KLHL22: variants seen among roughly 807,000 people sequenced by gnomAD.
KLHL22 encodes the protein kelch-like protein 22.
In KLHL22, 18 loss-of-function variants were observed where a neutral mutation model predicts 60.7. The ratio of observed to expected loss-of-function variants is 0.30; its 90% confidence interval spans 0.20 to 0.44. The LOEUF (loss-of-function observed/expected upper bound fraction) is 0.44. KLHL22 is among the 20% of genes least tolerant of loss of function. KLHL22 has a pLI of 1.00. For missense variants in KLHL22, 596 were observed against 852.3 expected (o/e 0.70, Z 3.74); for synonymous variants, 355 against 354.5 (o/e 1.00, Z -0.01).
At chr22:20,463,946 C>T (rs2053191903) in intron 4 of KLHL22, among the ~76,000 whole-genome samples, 1 of 152,182 alleles carries the variant, frequency 6.6e-6, no homozygotes, top group Admixed American at 6.5e-5. Flanking sequence ...TGAACATGAA[C>T]TCAGTCAGCA....
intron 1 of KLHL22, among the ~76,000 whole-genome samples, 154 bp from the exon 2 acceptor site, chr22:20,489,398 C>G (rs376881753): frequency 6.6e-6 from 1 of 152,190 alleles, no homozygotes; most frequent in Non-Finnish European, 1.5e-5. Flanking sequence ...TCCTTCTCCC[C>G]TCCCACCTCT....
Position 20,442,142 on chromosome 22 carries a change from G to A in KLHL22, c.1836C>T (p.Asp612=), listed in dbSNP as rs368325325. ...TCATCACCTCAGAGGCAAAGTCCGGGTCGGCCTGGCTGCGGTCAGGGGTCC... is the reference window on the plus strand; with the variant it reads ...TCATCACCTCAGAGGCAAAGTCCGGATCGGCCTGGCTGCGGTCAGGGGTCC... The part of the protein sequence containing the change: ...PRGTPDRSQA[D]PDFASEVMSV... Residue 612 remains aspartate (D), a synonymous_variant, in exon 7 of 7, where the codon GAC becomes GAT. Coordinates refer to ENST00000328879, the MANE Select transcript of KLHL22 (RefSeq NM_032775.4). 2.2e-5 allele frequency: 34 copies of A among 1,539,848 alleles called. No homozygotes were observed. Among genetic ancestry groups the A allele is most frequent in the African/African-American group, 5.5e-5 (4 of 72,678 alleles).
intron 2 of KLHL22, among the ~76,000 whole-genome samples, chr22:20,476,935 G>A (rs887749363): frequency 6.8e-6 from 1 of 148,134 alleles, no homozygotes; most frequent in African/African-American, 2.5e-5. Flanking sequence ...TCGAACTCCT[G>A]ACCTGATGTG....
chr22:20,484,007 G>A (rs766288682), intron 2 of KLHL22: 5 of 725,930 alleles, frequency 6.9e-6, no homozygotes, highest in Non-Finnish European at 1.3e-5. Context: ...CATAGACGCT[G>A]GCCACGCTGC....
Position 20,489,029 on chromosome 22 carries a change from G to A in KLHL22, c.183C>T (p.Ile61=), listed in dbSNP as rs759748470. ...DVVLVVEGRH[I]EAHRILLAAS... is the part of the protein sequence containing the mutation. ...CAGCCAGCAGGATGCGATGGGCCTC[G>A]ATGTGTCTGCCCTCCACCACCAGCA... Residue 61 remains isoleucine (I), a synonymous_variant, in exon 2 of 7, where the codon ATC becomes ATT. Coordinates refer to ENST00000328879, the MANE Select transcript of KLHL22 (RefSeq NM_032775.4). The A allele has an allele frequency of 7.2e-5, 116 of 1,614,034 alleles. No homozygotes were observed. The Middle Eastern group carries it at 1.3e-3, about 18-fold the overall frequency.
At chr22:20,487,002 C>A (rs1387689530) in intron 2 of KLHL22, among the ~76,000 whole-genome samples, 2 of 151,966 alleles carry the variant, frequency 1.3e-5, no homozygotes, top group African/African-American at 4.8e-5. Context: ...TCACTGCAAC[C>A]TCCGCCTCCT....
intron 2 of KLHL22, chr22:20,481,073 C>T (rs1354907167): frequency 2.6e-5 from 4 of 151,800 alleles, no homozygotes; most frequent in Non-Finnish European, 4.4e-5. Context: ...CCTCGTGATC[C>T]GCCTGCCTCG....
chr22:20,473,237 A>G (rs536973795), intron 2 of KLHL22, among the ~76,000 whole-genome samples: 3 of 152,262 alleles, frequency 2.0e-5, no homozygotes, highest in African/African-American at 7.2e-5. Flanking sequence ...TGCAGCTAGA[A>G]AGCAGTAGCT....
At chr22:20,451,259 T>C (rs1260660645) in intron 5 of KLHL22, 5 of 1,604,814 alleles carry the variant, frequency 3.1e-6, no homozygotes, top group East Asian at 2.2e-5. Flanking sequence ...GGAGATTTGA[T>C]CTATGTCTCT....
At chr22:20,442,761 C>G (rs1377732489) in intron 6 of KLHL22, among the ~76,000 whole-genome samples, 1 of 152,240 alleles carries the variant, frequency 6.6e-6, no homozygotes, top group Non-Finnish European at 1.5e-5. Flanking sequence ...GAGTGTGTGG[C>G]TGTGCCCCCA....
intron 2 of KLHL22, among the ~76,000 whole-genome samples, chr22:20,473,724 A>C (rs752618237): frequency 2.0e-5 from 3 of 152,060 alleles, no homozygotes; most frequent in Non-Finnish European, 4.4e-5. Context: ...AAAAATACAA[A>C]ATTAGCTGGT....
Position 20,446,578 on chromosome 22 carries a change from T to C in KLHL22, c.1404A>G (p.Pro468=). The C allele has an allele frequency of 6.2e-7, 1 of 1,614,034 alleles. No individual in the cohort carries two copies. The highest frequency in any genetic ancestry group is 8.5e-7 in the Non-Finnish European group (1 of 1,180,030). Residue 468 remains proline, a synonymous_variant, in exon 6 of 7, where the codon CCA becomes CCG. Transcript: ENST00000328879. ...CCAGTGTGTGCCAAGTGTTGCTGCC[T>C]GGATCGTAGCAGTGTGTCTCTTTCA... ...DYLKETHCYD[P]GSNTWHTLAD... is the part of the protein sequence containing the mutation.
intron 3 of KLHL22, among the ~76,000 whole-genome samples, chr22:20,466,062 T>G (rs906098125): frequency 6.6e-6 from 1 of 152,032 alleles, no homozygotes; most frequent in East Asian, 1.9e-4. Flanking sequence ...TTGATATATG[T>G]CAGTTCCCTC....
At chr22:20,450,655 G>A in intron 5 of KLHL22, 1 of 1,571,158 alleles carries the variant, frequency 6.4e-7, no homozygotes, top group South Asian at 1.1e-5. Context: ...AGGAGAGGTG[G>A]AAAAGCTAAT....
At chr22:20,444,975 G>A (rs1158904722) in intron 6 of KLHL22, among the ~76,000 whole-genome samples, 1 of 151,792 alleles carries the variant, frequency 6.6e-6, no homozygotes, top group Non-Finnish European at 1.5e-5. Context: ...TAGTAGAGAT[G>A]GAGTTTCACC....
intron 6 of KLHL22, among the ~76,000 whole-genome samples, chr22:20,445,296 TC>T (rs2052840563): frequency 6.7e-6 from 1 of 149,950 alleles, no homozygotes; most frequent in Non-Finnish European, 1.5e-5. Context: ...AACCTCTGCC[TC>T]CCGGGTTCCA....
intron 6 of KLHL22, among the ~76,000 whole-genome samples, chr22:20,444,097 G>A (rs2052815863): frequency 1.3e-5 from 2 of 149,898 alleles, no homozygotes; most frequent in Non-Finnish European, 3.0e-5. Context: ...CCAGACAAGA[G>A]AGCTGAGAAG....
At chr22:20,450,389 G>A (rs1443723040) in intron 5 of KLHL22, 4 of 1,457,784 alleles carry the variant, frequency 2.7e-6, no homozygotes, top group Non-Finnish European at 3.9e-6. Flanking sequence ...ATTGGACTTT[G>A]TGTACACGGA....
chr22:20,484,611 T>C (rs1313282927), intron 2 of KLHL22, among the ~76,000 whole-genome samples: 2 of 152,138 alleles, frequency 1.3e-5, no homozygotes, highest in Non-Finnish European at 2.9e-5. Context: ...TTTGTATTTT[T>C]TGTAAACATG....
Sources: allele counts gnomAD v4.1 joint callset (sites outside exome capture counted in the v4.1 genomes callset), GRCh38; gene constraint gnomAD v4.1.1; transcripts MANE v1.5; gene names NCBI Gene and HGNC (gene_info 2026-07-23, HGNC 2026-07-21).